CCDC69: variants seen among roughly 807,000 people sequenced by gnomAD.
CCDC69 encodes coiled-coil domain containing 69, also known as coiled-coil domain-containing protein 69.
In CCDC69, 38 loss-of-function variants were observed where a neutral mutation model predicts 40.3. The ratio of observed to expected loss-of-function variants is 0.94; its 90% confidence interval spans 0.73 to 1.24. CCDC69 has a LOEUF of 1.24. Among genes scored for constraint, CCDC69 ranks in the 50% most tolerant of loss-of-function variants. The pLI, the probability that CCDC69 is intolerant of heterozygous loss-of-function variation, is 0.00. For missense variants in CCDC69, 389 were observed against 357.9 expected (o/e 1.09, Z -0.70); for synonymous variants, 141 against 138.9 (o/e 1.02, Z -0.11).
At chr5:151,187,935 C>T (rs917886377) in intron 4 of CCDC69, among the ~76,000 whole-genome samples, 3 of 152,176 alleles carry the variant, frequency 2.0e-5, no homozygotes, top group Admixed American at 2.0e-4. Flanking sequence ...CTCTGCCTTT[C>T]CGAAACTGAG....
chr5:151,222,966 T>C (rs1472593964), intron 1 of CCDC69, among the ~76,000 whole-genome samples: 1 of 152,138 alleles, frequency 6.6e-6, no homozygotes, highest in African/African-American at 2.4e-5. Flanking sequence ...TATTAAACAC[T>C]GTCACAGTTT....
In CCDC69 at chr5:151,224,034, C is replaced by G. The variant is rs894704020; in HGVS notation, c.-64G>C. On this transcript the variant is annotated 5_prime_UTR_variant, in exon 1 of 9. Coordinates refer to ENST00000355417, the MANE Select transcript of CCDC69 (RefSeq NM_015621.3). ...GGGGCCCCCAGAGGAGCCTGCGATC[C>G]GGGCCCCGCTGCCCGCTCCGCGCCC... The G allele has an allele frequency of 7.0e-7, 1 of 1,419,914 alleles. No homozygotes were observed. The highest frequency in any genetic ancestry group is 1.3e-5 in the South Asian group (1 of 75,832). The allele number at this position is 1,419,914 out of a possible 1,614,324, so 88.0% of individuals were successfully genotyped here.
intron 4 of CCDC69, 62 bp downstream of exon 4, chr5:151,198,935 C>G: frequency 8.1e-7 from 1 of 1,241,366 alleles, no homozygotes; most frequent in Non-Finnish European, 1.2e-6. Context: ...GTGAACTGGG[C>G]AGGTGGGGCC....
chr5:151,195,611 C>G (rs964435790), intron 4 of CCDC69, among the ~76,000 whole-genome samples: 4 of 146,912 alleles, frequency 2.7e-5, no homozygotes, highest in East Asian at 2.1e-4. Context: ...CCCAGCTACT[C>G]GGGAGGCTGA....
At chr5:151,213,412 A>ATTT (rs34388055) in intron 1 of CCDC69, among the ~76,000 whole-genome samples, 2 of 144,040 alleles carry the variant, frequency 1.4e-5, no homozygotes, top group African/African-American at 2.6e-5. Flanking sequence ...ATGTCCGGCT[A>ATTT]TTTTTTTTTT....
At chr5:151,197,685 T>G (rs60712204) in intron 4 of CCDC69, among the ~76,000 whole-genome samples, 30,811 of 152,216 alleles carry the variant, frequency 0.2, 3,897 homozygotes, top group Admixed American at 0.34. Context: ...AAAATAGATA[T>G]ACATAAACTT....
At chr5:151,184,159 T>C (rs17659467) in intron 8 of CCDC69, among the ~76,000 whole-genome samples, 185 bp downstream of exon 8, 1,892 of 152,298 alleles carry the variant, frequency 0.012, 28 homozygotes, top group Non-Finnish European at 0.018. Context: ...GCATTGGGAC[T>C]TTGGTTTCTG....
intron 4 of CCDC69, among the ~76,000 whole-genome samples, chr5:151,189,444 T>C (rs1301309983): frequency 1.3e-5 from 2 of 149,282 alleles, no homozygotes; most frequent in Non-Finnish European, 3.0e-5. Flanking sequence ...ATCTGGACAA[T>C]AGAGGAGAAA....
intron 4 of CCDC69, among the ~76,000 whole-genome samples, chr5:151,192,087 G>GAAAAAAA (rs34310340): frequency 5.2e-5 from 2 of 38,796 alleles, no homozygotes; most frequent in Non-Finnish European, 8.5e-5. Flanking sequence ...CCTGTCTCAG[G>GAAAAAAA]AAAAAAAAAA....
At chr5:151,190,430 C>T (rs1752592300) in intron 4 of CCDC69, among the ~76,000 whole-genome samples, 1 of 152,026 alleles carries the variant, frequency 6.6e-6, no homozygotes, top group Non-Finnish European at 1.5e-5. Flanking sequence ...TTTTGGGAGG[C>T]CAAGGTGGGT....
chr5:151,206,400 T>C (rs991042746), intron 1 of CCDC69, among the ~76,000 whole-genome samples: 3 of 152,118 alleles, frequency 2.0e-5, no homozygotes, highest in Admixed American at 6.5e-5. Flanking sequence ...CTATTGACCA[T>C]TGGTGATCAA....
chr5:151,186,963 C>G (rs1752529818), intron 5 of CCDC69, among the ~76,000 whole-genome samples: 1 of 152,072 alleles, frequency 6.6e-6, no homozygotes, highest in Non-Finnish European at 1.5e-5. Flanking sequence ...GCCTGAGGCA[C>G]CCTTCCTACC....
chr5:151,209,495 A>T (rs931615680), intron 1 of CCDC69, among the ~76,000 whole-genome samples: 7 of 152,190 alleles, frequency 4.6e-5, no homozygotes, highest in Admixed American at 3.3e-4. Flanking sequence ...AGCTCTTGAC[A>T]AAACAAGATA....
Position 151,183,147 on chromosome 5 carries a change from C to A in CCDC69, c.*290G>T, listed in dbSNP as rs1388799554. ...ACACAGACTGCCCCTGGGAAAGCCTCGGAACTTCTCGGATTGGGACAGAGT... is the reference window on the plus strand; with the variant it reads ...ACACAGACTGCCCCTGGGAAAGCCTAGGAACTTCTCGGATTGGGACAGAGT... On this transcript the variant is annotated 3_prime_UTR_variant, in exon 9 of 9. Coordinates refer to ENST00000355417, the MANE Select transcript of CCDC69 (RefSeq NM_015621.3). 7.0e-6 allele frequency: 4 copies of A among 570,066 alleles called. No homozygotes were observed. Among genetic ancestry groups the A allele is most frequent in the Non-Finnish European group, 1.3e-5 (4 of 301,188 alleles). The allele number at this position is 570,066 out of a possible 1,614,324, so 35.3% of individuals were successfully genotyped here.
intron 5 of CCDC69, 117 bp downstream of exon 5, chr5:151,187,269 C>A: frequency 1.2e-6 from 1 of 805,406 alleles, no homozygotes; most frequent in East Asian, 2.6e-5. Flanking sequence ...GCAATCACCT[C>A]AGCCCCTCAC....
At chr5:151,214,200 C>A (rs951446999) in intron 1 of CCDC69, among the ~76,000 whole-genome samples, 4 of 152,196 alleles carry the variant, frequency 2.6e-5, no homozygotes, top group Admixed American at 2.6e-4. Context: ...TCTCAAGGGG[C>A]TCAGGTCACA....
intron 1 of CCDC69, 152 bp from the exon 2 acceptor site, chr5:151,205,627 C>A (rs889695545): frequency 1.5e-6 from 1 of 664,242 alleles, no homozygotes; most frequent in South Asian, 1.9e-5. Context: ...TGCCTCGCAG[C>A]CCCAGGCAGC....
intron 4 of CCDC69, among the ~76,000 whole-genome samples, chr5:151,193,385 T>C (rs1461108073): frequency 6.8e-6 from 1 of 147,742 alleles, no homozygotes; most frequent in Non-Finnish European, 1.5e-5. Context: ...GGCATGGTGA[T>C]GTGCACTATA....
intron 1 of CCDC69, chr5:151,212,247 T>A (rs1752965456): frequency 1.3e-5 from 2 of 152,924 alleles, no homozygotes; most frequent in Non-Finnish European, 2.9e-5. Flanking sequence ...CCAGCTTTAC[T>A]GTGTGCCTTT....
Sources: allele counts gnomAD v4.1 joint callset (sites outside exome capture counted in the v4.1 genomes callset), GRCh38; gene constraint gnomAD v4.1.1; transcripts MANE v1.5; gene names NCBI Gene and HGNC (gene_info 2026-07-23, HGNC 2026-07-21).